The following NBAS variants were observed in gnomAD, a reference collection of about 807,000 sequenced individuals.
NBAS encodes NAG/BC035112 fusion.
Under a neutral mutation model 302.5 loss-of-function variants are expected in NBAS, and 219 were observed. The ratio of observed to expected loss-of-function variants is 0.72; its 90% CI spans 0.65 to 0.81. The LOEUF (loss-of-function observed/expected upper bound fraction) is 0.81. Ranked by LOEUF, NBAS falls within the 30% of genes least tolerant of loss-of-function variation. NBAS has a pLI of 0.00. For synonymous variants in NBAS, 1,118 were observed against 1,021.6 expected, an observed-to-expected ratio of 1.09 and a Z score of -1.80; for missense variants, 2,932 against 2,841.6, an observed-to-expected ratio of 1.03 and a Z score of -0.72.
the NBAS span, among the ~76,000 whole-genome samples, chr2:14,950,818 C>G: frequency 2.0e-5 from 3 of 152,180 alleles, no homozygotes; most frequent in African/African-American, 7.2e-5. Context: ...TAATTACTAT[C>G]CTGGTAAATA....
rs143200998 is a variant in NBAS, at chr2:15,356,401, T to C, written c.3833A>G (p.Glu1278Gly). The C allele has an allele frequency of 4.2e-4, 685 of 1,613,754 alleles. 2 individuals are homozygous for C. Among genetic ancestry groups the C allele is most frequent in the South Asian group, 2.2e-3 (203 of 91,082 alleles). Residue 1278 changes from glutamate (E) to glycine (G), a missense_variant, in exon 33 of 52, where the codon GAA becomes GGA. Physicochemically the swap from Glu to Gly is moderately conservative, Grantham distance 98. Transcript: ENST00000281513. ...AAGGATTAGAACCTGTCCCCGCCTT[T>C]CTTCTGGGTTCTCACCTGTAAGTCC... is the stretch of plus-strand genomic sequence containing the variant. Reference protein sequence around the residue: ...LLRVAGENPEERRGQVLILLV... With the variant: ...LLRVAGENPEGRRGQVLILLV...
At chr2:15,047,496 C>A in the NBAS span, among the ~76,000 whole-genome samples, 1 of 151,800 alleles carries the variant, frequency 6.6e-6, no homozygotes, top group South Asian at 2.1e-4. Flanking sequence ...CCAGTAAGGG[C>A]TAGGCCCATG....
chr2:15,542,788 A>G (rs1663914358), intron 6 of NBAS, among the ~76,000 whole-genome samples: 1 of 152,256 alleles, frequency 6.6e-6, no homozygotes, highest in African/African-American at 2.4e-5. Context: ...TTATGTGCTA[A>G]GGAAACACTA....
chr2:15,068,426 A>C, the NBAS span, among the ~76,000 whole-genome samples: 2 of 152,206 alleles, frequency 1.3e-5, no homozygotes, highest in South Asian at 4.1e-4. Context: ...TTTTCTTGGA[A>C]GGTTCTAGGT....
At chr2:15,446,095 A>AGT (rs1399378740) in intron 21 of NBAS, among the ~76,000 whole-genome samples, 1 of 151,914 alleles carries the variant, frequency 6.6e-6, no homozygotes, top group African/African-American at 2.4e-5. Context: ...GAAAAAAAAA[A>AGT]GTGTGTGTAT....
the NBAS span, among the ~76,000 whole-genome samples, chr2:15,026,170 T>G: frequency 1.7e-5 from 1 of 59,570 alleles, no homozygotes; most frequent in Non-Finnish European, 3.2e-5. Context: ...TTAAAAGTCT[T>G]TTCTGGCCGG....
intron 26 of NBAS, among the ~76,000 whole-genome samples, chr2:15,398,193 G>A (rs1472103265): frequency 3.3e-5 from 5 of 152,016 alleles, no homozygotes; most frequent in Non-Finnish European, 7.4e-5. Context: ...ACCTAGGCTG[G>A]AATGCAGTGG....
chr2:15,413,375 G>A (rs1342026758), intron 25 of NBAS, among the ~76,000 whole-genome samples: 2 of 152,174 alleles, frequency 1.3e-5, no homozygotes, highest in African/African-American at 4.8e-5. Flanking sequence ...AAAGCAAAGG[G>A]GGAGAGAGAG....
intron 31 of NBAS, among the ~76,000 whole-genome samples, chr2:15,371,963 A>G (rs922545066): frequency 2.6e-5 from 4 of 152,206 alleles, no homozygotes; most frequent in Non-Finnish European, 4.4e-5. Flanking sequence ...AGTCCTTACT[A>G]TATCTTAGGC....
chr2:15,259,640 G>T (rs1433274985), intron 44 of NBAS, among the ~76,000 whole-genome samples: 1 of 152,196 alleles, frequency 6.6e-6, no homozygotes, highest in Non-Finnish European at 1.5e-5. Context: ...CCAACTCTCT[G>T]TGGGAGGGTA....
Position 15,474,153 on chromosome 2 carries a change from G to A in NBAS, c.1513C>T (p.Pro505Ser). 6.2e-7 allele frequency: 1 copy of A among 1,614,138 alleles called. No individual in the cohort carries two copies. The highest frequency in any genetic ancestry group is 8.5e-7 in the Non-Finnish European group (1 of 1,180,020). The change falls in exon 15 of 52, where the codon CCA becomes TCA. Residue 505 changes from proline (P) to serine (S), a missense_variant. Transcript: ENST00000281513. Reference sequence around the variant, plus strand: ...GTAATGGTTCGTGGGCGTTTCCGTGGTGGTGCAAATCGCTCCATTTCAGTC... The same window carrying A: ...GTAATGGTTCGTGGGCGTTTCCGTGATGGTGCAAATCGCTCCATTTCAGTC... Reference protein sequence around the residue: ...LVTEMERFAPPRKRPRTITKN... With the variant: ...LVTEMERFAPSRKRPRTITKN...
intron 16 of NBAS, among the ~76,000 whole-genome samples, chr2:15,469,797 T>G (rs1468809225): frequency 8.0e-6 from 1 of 124,446 alleles, no homozygotes; most frequent in East Asian, 2.5e-4. Flanking sequence ...TGAGAACACA[T>G]GGACACAGGG....
In NBAS at chr2:15,175,749, C is replaced by T. The variant is rs116538195; in HGVS notation, c.6840+3239G>A. 3.7e-3 allele frequency among the ~76,000 whole-genome samples: 569 copies of T among 152,250 alleles called. 5 individuals carry two copies. Among genetic ancestry groups the T allele is most frequent in the African/African-American group, 0.012 (511 of 41,536 alleles). On this transcript the variant is annotated intron_variant, in intron 51 of 51. Transcript: ENST00000281513. ...TACACGCACCAGAGGTCTGCAATTT[C>T]GGAAAAGCTTAGAGAAAGAAATGAG...
the NBAS span, among the ~76,000 whole-genome samples, chr2:14,826,686 G>T: frequency 6.6e-6 from 1 of 152,228 alleles, no homozygotes; most frequent in African/African-American, 2.4e-5. Flanking sequence ...ACTGAGTCAT[G>T]AGGAAGAGAT....
At chr2:15,136,774 TG>T in the NBAS span, among the ~76,000 whole-genome samples, 2 of 152,218 alleles carry the variant, frequency 1.3e-5, no homozygotes, top group African/African-American at 4.8e-5. Context: ...ATCATGGGGT[TG>T]GTTCCCCCAT....
chr2:15,120,072 G>T, the NBAS span, among the ~76,000 whole-genome samples: 2 of 152,106 alleles, frequency 1.3e-5, no homozygotes, highest in Non-Finnish European at 1.5e-5. Flanking sequence ...AACCAAATGT[G>T]AGGCCCCTGG....
At chr2:14,913,224 G>C in the NBAS span, among the ~76,000 whole-genome samples, 117 of 152,210 alleles carry the variant, frequency 7.7e-4, no homozygotes, top group Non-Finnish European at 6.9e-4. Context: ...ACAAATAAAA[G>C]AGAAGGACAG....
chr2:14,928,556 T>G, the NBAS span, among the ~76,000 whole-genome samples: 1 of 152,158 alleles, frequency 6.6e-6, no homozygotes, highest in Non-Finnish European at 1.5e-5. Flanking sequence ...ATACAAATAA[T>G]AAGAATGATT....
the NBAS span, among the ~76,000 whole-genome samples, chr2:14,781,042 T>C: frequency 6.6e-6 from 1 of 152,330 alleles, no homozygotes; most frequent in East Asian, 1.9e-4. Context: ...GAAATACTTT[T>C]TCTAGCTGGT....
Sources: allele counts gnomAD v4.1 joint callset (sites outside exome capture counted in the v4.1 genomes callset), GRCh38; gene constraint gnomAD v4.1.1; transcripts MANE v1.5; gene names NCBI Gene and HGNC (gene_info 2026-07-23, HGNC 2026-07-21).